The following TMEM59 variants were observed in gnomAD, a reference collection of about 807,000 sequenced individuals.
TMEM59 encodes dendritic cell factor 1.
Under a neutral mutation model 42.2 loss-of-function variants are expected in TMEM59, and 44 were observed. The observed-to-expected ratio is 1.04, with a 90% CI of 0.82 to 1.34. TMEM59 has a LOEUF of 1.34. Ranked by LOEUF, TMEM59 falls within the 40% of genes most tolerant of loss-of-function variation. The pLI, the probability that TMEM59 is intolerant of heterozygous loss-of-function variation, is 0.00. For synonymous variants in TMEM59, 148 were observed against 145.8 expected (o/e 1.02, Z -0.11); for missense variants, 359 against 382.8 (o/e 0.94, Z 0.52).
chr1:54,051,965 C>T (rs1657556257), intron 1 of TMEM59, among the ~76,000 whole-genome samples: 1 of 152,104 alleles, frequency 6.6e-6, no homozygotes, highest in Non-Finnish European at 1.5e-5. Flanking sequence ...CAATATGGAA[C>T]ATCCTAAGCT....
chr1:54,043,144 G>A (rs1430488198), intron 4 of TMEM59, among the ~76,000 whole-genome samples: 1 of 152,074 alleles, frequency 6.6e-6, no homozygotes, highest in Middle Eastern at 3.2e-3. Flanking sequence ...AGACTCAAGA[G>A]TTCTGGTTAC....
At position 54,042,051 on chromosome 1, in the gene TMEM59, G is replaced by GTTT. The variant is rs753841730; in HGVS notation, c.544-249_544-247dup. Among the ~76,000 whole-genome samples, 372 of 143,238 alleles carry GTTT rather than the reference G, an allele frequency of 2.6e-3. 4 individuals carry two copies. Among genetic ancestry groups the GTTT allele is most frequent in the African/African-American group, 8.9e-3 (342 of 38,286 alleles). The allele number at this position is 143,238 out of a possible 152,430, so 94.0% of individuals were successfully genotyped here. A position where few individuals can be genotyped will look rare whatever the true frequency, so the allele number is the denominator to read the frequency against. Reference sequence around the variant, plus strand: ...TAGTTTAACTTCCTGACAACGTTTTGTTTTGTTTTTTTTTTTTTTTAAAGG... The same window carrying GTTT: ...TAGTTTAACTTCCTGACAACGTTTTGTTTTTTTGTTTTTTTTTTTTTTTAAAGG... On this transcript the variant is annotated intron_variant, in intron 4 of 7. Coordinates refer to ENST00000234831, the MANE Select transcript of TMEM59 (RefSeq NM_004872.5).
intron 4 of TMEM59, among the ~76,000 whole-genome samples, chr1:54,042,046 G>GTTTTT (rs1253767145): frequency 7.0e-6 from 1 of 142,682 alleles, no homozygotes; most frequent in African/African-American, 2.8e-5. Context: ...TCCTGACAAC[G>GTTTTT]TTTTGTTTTG....
At chr1:54,045,668 T>C (rs1657304750) in intron 3 of TMEM59, 24 bp downstream of exon 3, 2 of 1,611,446 alleles carry the variant, frequency 1.2e-6, no homozygotes, top group South Asian at 2.2e-5. Context: ...GCAGGCTAGT[T>C]TGAAAGGCAG....
At position 54,026,719 on chromosome 1, in the gene TMEM59, T is replaced by G. The variant is rs962804419; in HGVS notation, c.*5431A>C. 3 of 152,210 alleles carry G rather than the reference T, an allele frequency of 2.0e-5. No individual in the cohort carries two copies. The highest frequency in any genetic ancestry group is 4.4e-5 in the Non-Finnish European group (3 of 68,040). 9.4% of individuals were successfully genotyped at this position (152,210 alleles called of 1,614,324 possible). ...CAGATGATCCAAGTTTTATTAAAGT[T>G]TACATACTTAAGCATAAATAAATTA... On this transcript the variant is annotated 3_prime_UTR_variant, in exon 8 of 8. Coordinates refer to ENST00000234831, the MANE Select transcript of TMEM59 (RefSeq NM_004872.5).
intron 3 of TMEM59, chr1:54,045,473 CA>C: frequency 2.1e-6 from 1 of 470,470 alleles, no homozygotes; most frequent in Non-Finnish European, 3.8e-6. Flanking sequence ...TGAGAAGAAA[CA>C]AAATAAGATT....
At chr1:54,044,787 G>A (rs1287501769) in intron 3 of TMEM59, 2 of 151,746 alleles carry the variant, frequency 1.3e-5, no homozygotes, top group East Asian at 3.9e-4. Context: ...TCACAAATAA[G>A]GGACTGCCTA....
At chr1:54,045,846 A>C in intron 2 of TMEM59, 60 bp from the exon 3 acceptor site, 1 of 1,452,106 alleles carries the variant, frequency 6.9e-7, no homozygotes, top group Non-Finnish European at 9.3e-7. Flanking sequence ...GAGGAAAGAA[A>C]AGGATTTGGC....
rs1020169867 is a variant in TMEM59 at position 54,029,772 on chromosome 1, A to G, written c.*2378T>C. 1 of 152,162 alleles carries G rather than the reference A, an allele frequency of 6.6e-6. No individual in the cohort carries two copies. The highest frequency in any genetic ancestry group is 1.5e-5 in the Non-Finnish European group (1 of 68,034). 9.4% of individuals were successfully genotyped at this position (152,162 alleles called of 1,614,324 possible). ...TACAATCCAGCTTCCCAAACAGAAGACTATATTTCCCATTATCTCAATCTT... is the reference window on the plus strand; with the variant it reads ...TACAATCCAGCTTCCCAAACAGAAGGCTATATTTCCCATTATCTCAATCTT... On this transcript the variant is annotated 3_prime_UTR_variant, in exon 8 of 8. Transcript: ENST00000234831.
intron 1 of TMEM59, 123 bp from the exon 2 acceptor site, chr1:54,047,495 C>T: frequency 2.7e-6 from 2 of 750,852 alleles, no homozygotes; most frequent in Admixed American, 6.2e-5. Flanking sequence ...AGTTTCATAA[C>T]TGAAAGAAAA....
In TMEM59 at chr1:54,048,668, CA is replaced by C. The variant is rs532444320; in HGVS notation, c.190-1297del. ...GACTTACTATGTGATCCACTGTGTA[CA>C]AACTGGCAGACACCTAATAAGGAAA... On this transcript the variant is annotated intron_variant, in intron 1 of 7. Coordinates refer to ENST00000234831, the MANE Select transcript of TMEM59 (RefSeq NM_004872.5). The C allele has an allele frequency of 1.5e-3, 691 of 455,304 alleles. 5 individuals carry two copies. The Middle Eastern group carries it at 0.016, about 10-fold the overall frequency. The allele number at this position is 455,304 out of a possible 1,614,324, so 28.2% of individuals were successfully genotyped here.
chr1:54,047,282 A>G lies in TMEM59; in HGVS notation c.280T>C (p.Leu94=). 1 of 1,613,606 alleles carries G rather than the reference A, an allele frequency of 6.2e-7. No homozygotes were observed. The highest frequency in any genetic ancestry group is 8.5e-7 in the Non-Finnish European group (1 of 1,179,850). Residue 94 remains leucine, a synonymous_variant, in exon 2 of 8, where the codon TTG becomes CTG. Coordinates refer to ENST00000234831, the MANE Select transcript of TMEM59 (RefSeq NM_004872.5). ...AGCATCTTACCAGATTCACATTCCA[A>G]TTTAGTTCGATTTAAGTCAATTCCA... ...DDGIDLNRTK[L]ECESACTEAY... is the part of the protein sequence containing the mutation.
Position 54,032,186 on chromosome 1 carries a change from T to C in TMEM59, c.936A>G (p.Leu312=), listed in dbSNP as rs1656784623. 6.2e-7 allele frequency: 1 copy of C among 1,612,880 alleles called. No homozygotes were observed. Among genetic ancestry groups the C allele is most frequent in the South Asian group, 1.1e-5 (1 of 90,936 alleles). The part of the protein sequence containing the change: ...KTEDHEEAGP[L]PTKVNLAHSE... ...AATGAGCAAGATTCACTTTTGTAGG[T>C]AGAGGCCCTGCTTCTTCATGATCTT... The change falls in exon 8 of 8, where the codon CTA becomes CTG. Residue 312 remains leucine (L), a synonymous_variant. Transcript: ENST00000234831.
Position 54,028,906 on chromosome 1 carries a change from A to G in TMEM59, c.*3244T>C, listed in dbSNP as rs1656682726. ...TTGAATGGTTAAATTGTGGATCTAT[A>G]AAGGCAGAACTGAGCAAAATTACTG... On this transcript the variant is annotated 3_prime_UTR_variant, in exon 8 of 8. Coordinates refer to ENST00000234831, the MANE Select transcript of TMEM59 (RefSeq NM_004872.5). The G allele has an allele frequency of 6.6e-6, 1 of 152,190 alleles. No homozygotes were observed. The highest frequency in any genetic ancestry group is 2.4e-5 in the African/African-American group (1 of 41,416). 9.4% of individuals were successfully genotyped at this position (152,190 alleles called of 1,614,324 possible).
chr1:54,053,134 G>C lies in TMEM59; in HGVS notation c.55C>G (p.Leu19Val), dbSNP rs746870134. 2 of 1,614,268 alleles carry C rather than the reference G, an allele frequency of 1.2e-6. No homozygotes were observed. The highest frequency in any genetic ancestry group is 2.2e-5 in the South Asian group (2 of 91,086). Residue 19 changes from leucine to valine, a missense_variant, in exon 1 of 8, where the codon CTG becomes GTG. Leu to Val is a conservative substitution (Grantham distance 32). Coordinates refer to ENST00000234831, the MANE Select transcript of TMEM59 (RefSeq NM_004872.5). ...GCCAAGGCCATGGTCAGCAGCAGCA[G>C]CGGCGGGAGCCCCAGTTGGGTCCTC... ...WVRTQLGLPP[L>V]LLLTMALAGG...
At chr1:54,052,456 G>A (rs569783739) in intron 1 of TMEM59, among the ~76,000 whole-genome samples, 26 of 152,258 alleles carry the variant, frequency 1.7e-4, no homozygotes, top group African/African-American at 6.3e-4. Flanking sequence ...ACTCAACATA[G>A]GCAGACAGCA....
rs1056117064 is a variant in TMEM59, at chr1:54,050,861, A to AT, written c.189+2138dup. ...ACAGGAGTGAGCCACCGCGCCCGGC[A>AT]TTTTTTTATTTTTATTTTTTTGAGA... is the stretch of plus-strand genomic sequence containing the variant. On this transcript the variant is annotated intron_variant, in intron 1 of 7. Transcript: ENST00000234831. Among the ~76,000 whole-genome samples the AT allele has an allele frequency of 6.6e-5, 9 of 136,422 alleles. No individual in the cohort carries two copies. The East Asian group carries it at 6.8e-4, about 10-fold the overall frequency. 89.5% of individuals were successfully genotyped at this position (136,422 alleles called of 152,430 possible). A position where few individuals can be genotyped will look rare whatever the true frequency, so the allele number is the denominator to read the frequency against.
intron 1 of TMEM59, among the ~76,000 whole-genome samples, chr1:54,049,862 GGACA>G (rs1657470007): frequency 6.6e-6 from 1 of 152,084 alleles, no homozygotes; most frequent in African/African-American, 2.4e-5. Context: ...TGATCAGCAA[GGACA>G]AACAGTAATC....
At chr1:54,036,927 T>TA (rs1454514559) in intron 6 of TMEM59, 2 of 316,220 alleles carry the variant, frequency 6.3e-6, no homozygotes, top group Admixed American at 9.5e-5. Context: ...CCTCCACTTC[T>TA]AATGTTTCTG....
Sources: allele counts gnomAD v4.1 joint callset (sites outside exome capture counted in the v4.1 genomes callset), GRCh38; gene constraint gnomAD v4.1.1; transcripts MANE v1.5; gene names NCBI Gene and HGNC (gene_info 2026-07-23, HGNC 2026-07-21).